The following ADORA2B variants were observed in gnomAD, a reference collection of about 807,000 sequenced individuals.
The protein encoded by ADORA2B is adenosine receptor A2b.
A neutral mutation model predicts 20.8 loss-of-function variants in ADORA2B; 18 were observed. That is an observed-to-expected ratio of 0.87 (90% CI 0.60 to 1.29). The LOEUF is 1.29. Among genes scored for constraint, ADORA2B ranks in the 50% most tolerant of loss-of-function variants. The probability of loss-of-function intolerance (pLI) is 0.00; values close to 1 mark genes in which losing one functional copy is unlikely to be tolerated. For missense variants in ADORA2B, 441 were observed against 422.7 expected (o/e 1.04, Z -0.38); for synonymous variants, 179 against 178.3 (o/e 1.00, Z -0.03).
At chr17:15,944,660 G>A (rs1414086674), upstream of ADORA2B, among the ~76,000 whole-genome samples, 2 of 152,040 alleles carry the variant, frequency 1.3e-5, no homozygotes, top group African/African-American at 4.8e-5. This position sits in a 1 kb window ranked among gnomAD's most constrained non-coding sequence, Gnocchi z 4.8. Flanking sequence ...ACTGCTGCAC[G>A]AGCGGGGACT....
chr17:15,873,161 C>T, the ADORA2B span, among the ~76,000 whole-genome samples: 2 of 152,282 alleles, frequency 1.3e-5, no homozygotes, highest in South Asian at 4.1e-4. Flanking sequence ...TTGAGATGAT[C>T]ATATGGTTTT....
chr17:15,927,136 C>T, the ADORA2B span, among the ~76,000 whole-genome samples: 1 of 151,718 alleles, frequency 6.6e-6, no homozygotes, highest in Non-Finnish European at 1.5e-5. Context: ...CACCTGAGGT[C>T]AGGAGTTCGA....
the ADORA2B span, among the ~76,000 whole-genome samples, chr17:15,877,997 T>TG: frequency 2.6e-5 from 4 of 152,106 alleles, no homozygotes; most frequent in Non-Finnish European, 5.9e-5. Context: ...TTAATGCTTT[T>TG]GGGGGAAAAA....
chr17:15,898,100 G>A, the ADORA2B span, among the ~76,000 whole-genome samples: 4 of 152,064 alleles, frequency 2.6e-5, no homozygotes, highest in African/African-American at 9.7e-5. Context: ...AATTTAAAAA[G>A]GAGTGAGGAA....
In ADORA2B at chr17:15,975,302, G is replaced by C. The variant is rs764654008; in HGVS notation, c.959G>C (p.Gly320Ala). The change falls in exon 2 of 2, where the codon GGT becomes GCT. Residue 320 changes from glycine (G) to alanine (A), a missense_variant. Coordinates refer to ENST00000304222, the MANE Select transcript of ADORA2B (RefSeq NM_000676.4). Reference protein sequence around the residue: ...LCQADVKSGNGQAGVQPALGV... With the variant: ...LCQADVKSGNAQAGVQPALGV... The stretch of plus-strand genomic sequence containing the variant: ...CAAGCAGATGTCAAGAGTGGGAATG[G>C]TCAGGCTGGGGTACAGCCTGCTCTC... 8 of 1,612,980 alleles carry C rather than the reference G, an allele frequency of 5.0e-6. No individual in the cohort carries two copies. In the Admixed American group the frequency reaches 1.2e-4, roughly 24 times the overall value.
At chr17:15,971,691 G>A (rs1337485045) in intron 1 of ADORA2B, among the ~76,000 whole-genome samples, 3 of 145,384 alleles carry the variant, frequency 2.1e-5, no homozygotes, top group Non-Finnish European at 4.5e-5. Flanking sequence ...GTGCAATGGT[G>A]TAATGATCTC....
chr17:15,892,978 T>G, the ADORA2B span, among the ~76,000 whole-genome samples: 4 of 152,214 alleles, frequency 2.6e-5, no homozygotes, highest in African/African-American at 9.6e-5. Context: ...TCCTGCTGCA[T>G]TATTCATGAG....
chr17:15,918,972 C>G, the ADORA2B span, among the ~76,000 whole-genome samples: 14 of 152,164 alleles, frequency 9.2e-5, no homozygotes, highest in African/African-American at 3.1e-4. Context: ...ACCACCCAGG[C>G]AGGTCCTGAG....
At chr17:15,868,157 C>T in the ADORA2B span, among the ~76,000 whole-genome samples, 1 of 141,406 alleles carries the variant, frequency 7.1e-6, no homozygotes, top group Non-Finnish European at 1.6e-5. Context: ...CTTTGTTAAA[C>T]AGATGCTTGA....
At chr17:15,897,816 CTTTCACTA>C in the ADORA2B span, among the ~76,000 whole-genome samples, 5 of 152,114 alleles carry the variant, frequency 3.3e-5, no homozygotes, top group Non-Finnish European at 2.9e-5. Context: ...AAGTACTTCT[CTTTCACTA>C]TTTCACTATT....
chr17:15,918,472 T>A, the ADORA2B span, among the ~76,000 whole-genome samples: 2 of 152,042 alleles, frequency 1.3e-5, no homozygotes, highest in Non-Finnish European at 2.9e-5. Flanking sequence ...AATGAATAAT[T>A]TCTTTTTGTT....
the ADORA2B span, among the ~76,000 whole-genome samples, chr17:15,886,187 AG>A: frequency 6.6e-6 from 1 of 152,246 alleles, no homozygotes; most frequent in Non-Finnish European, 1.5e-5. Context: ...CTTATTAGAA[AG>A]AAAGAACCAG....
the ADORA2B span, among the ~76,000 whole-genome samples, chr17:15,852,600 T>G: frequency 6.6e-6 from 1 of 152,076 alleles, no homozygotes; most frequent in Non-Finnish European, 1.5e-5. Flanking sequence ...ACACGGACTT[T>G]AAAACAACTG....
the ADORA2B span, among the ~76,000 whole-genome samples, chr17:15,920,043 T>C: frequency 6.6e-6 from 1 of 152,102 alleles, no homozygotes; most frequent in Non-Finnish European, 1.5e-5. Context: ...CAGAACACAG[T>C]TTGAAGCTGT....
chr17:15,915,159 T>A, the ADORA2B span, among the ~76,000 whole-genome samples: 1 of 152,318 alleles, frequency 6.6e-6, no homozygotes, highest in African/African-American at 2.4e-5. Flanking sequence ...ATTCCCAGCC[T>A]CCAGGGGCCT....
the ADORA2B span, among the ~76,000 whole-genome samples, chr17:15,883,845 T>C: frequency 6.6e-6 from 1 of 152,208 alleles, no homozygotes; most frequent in South Asian, 2.1e-4. Context: ...GCCTGCTGTC[T>C]CCATCCATGT....
At chr17:15,948,231 C>T (rs1417524615) in intron 1 of ADORA2B, among the ~76,000 whole-genome samples, 1 of 136,172 alleles carries the variant, frequency 7.3e-6, no homozygotes, top group African/African-American at 2.6e-5. Context: ...AAGGTGTTTA[C>T]TGATGTGACA....
At chr17:15,950,328 C>T (rs757787512) in intron 1 of ADORA2B, among the ~76,000 whole-genome samples, 24 of 152,184 alleles carry the variant, frequency 1.6e-4, no homozygotes, top group African/African-American at 4.8e-4. Flanking sequence ...TCAGCCTTCT[C>T]GCCCTGCTTG....
At chr17:15,946,177 C>T (rs1465085677) in intron 1 of ADORA2B, among the ~76,000 whole-genome samples, 3 of 152,202 alleles carry the variant, frequency 2.0e-5, no homozygotes, top group Admixed American at 1.3e-4. Flanking sequence ...GGAAGGTGTC[C>T]GTTAACTTTG....
Sources: gnomAD v4.1 joint callset for allele counts (sites outside exome capture counted in the v4.1 genomes callset) on GRCh38, gnomAD v4.1.1 for gene constraint, Gnocchi (gnomAD v3.1) non-coding constraint, MANE v1.5 for transcripts, NCBI Gene and HGNC (gene_info 2026-07-23, HGNC 2026-07-21) for gene names.